ARHGAP10: variants seen among roughly 807,000 people sequenced by gnomAD.
The protein encoded by ARHGAP10 is rho GTPase-activating protein 10.
Under a neutral mutation model 108.6 loss-of-function variants are expected in ARHGAP10, and 87 were observed. The ratio of observed to expected loss-of-function variants is 0.80; its 90% confidence interval spans 0.67 to 0.96. The LOEUF (loss-of-function observed/expected upper bound fraction) is 0.96, where lower values mean the gene tolerates loss of function less well. Among genes scored for constraint, ARHGAP10 ranks in the 40% least tolerant of loss-of-function variants. ARHGAP10 has a pLI of 0.00. For missense variants in ARHGAP10, 939 were observed against 954.5 expected (o/e 0.98, Z 0.21); for synonymous variants, 347 against 341.1 (o/e 1.02, Z -0.19).
Position 147,946,667 on chromosome 4 carries a change from G to T in ARHGAP10, c.1354G>T (p.Val452Leu). 6.2e-7 allele frequency: 1 copy of T among 1,612,558 alleles called. No individual in the cohort carries two copies. Among genetic ancestry groups the T allele is most frequent in the Non-Finnish European group, 8.5e-7 (1 of 1,179,496 alleles). Residue 452 changes from valine (V) to leucine (L), a missense_variant, in exon 15 of 23, where the codon GTG becomes TTG. Val to Leu is a conservative substitution (Grantham distance 32, BLOSUM62 1). Transcript: ENST00000336498. ...CCTGGAGAATTCTGCAGATTGGGAA[G>T]TGAAGACAATAACAAGTGCCTTGAA... ...VDLENSADWE[V>L]KTITSALKQY...
At chr4:147,856,506 C>G (rs1195595050) in intron 4 of ARHGAP10, among the ~76,000 whole-genome samples, 1 of 152,178 alleles carries the variant, frequency 6.6e-6, no homozygotes, top group African/African-American at 2.4e-5. Context: ...AATTCCACAC[C>G]TGGCCTCTTG....
intron 1 of ARHGAP10, among the ~76,000 whole-genome samples, chr4:147,798,729 CTCTCTCTCTCTCT>C (rs1560764486): frequency 8.9e-5 from 1 of 11,266 alleles, no homozygotes; most frequent in Non-Finnish European, 2.2e-4. Flanking sequence ...GAGACACTCT[CTCTCTCTCTCTCT>C]CTCTCTCTCT....
At chr4:147,856,636 G>T (rs370422245) in intron 4 of ARHGAP10, among the ~76,000 whole-genome samples, 2 of 152,100 alleles carry the variant, frequency 1.3e-5, no homozygotes, top group African/African-American at 4.8e-5. Flanking sequence ...TGAATTTCAC[G>T]TTTAGACTTA....
At chr4:147,817,468 C>T (rs1732298859) in intron 1 of ARHGAP10, among the ~76,000 whole-genome samples, 1 of 152,168 alleles carries the variant, frequency 6.6e-6, no homozygotes, top group African/African-American at 2.4e-5. Context: ...GTTGTAGAAT[C>T]AAGGACAAGC....
intron 10 of ARHGAP10, among the ~76,000 whole-genome samples, chr4:147,893,800 C>T (rs1735883074): frequency 6.6e-6 from 1 of 151,870 alleles, no homozygotes; most frequent in East Asian, 1.9e-4. Flanking sequence ...GTTATTTTAA[C>T]AGAATTTTAG....
intron 4 of ARHGAP10, among the ~76,000 whole-genome samples, chr4:147,853,310 T>C (rs1355269139): frequency 6.6e-6 from 1 of 152,246 alleles, no homozygotes; most frequent in African/African-American, 2.4e-5. Context: ...TTTTTATTTT[T>C]CCCTTATTAA....
intron 1 of ARHGAP10, 151 bp downstream of exon 1, chr4:147,732,606 C>CG (rs942289123): frequency 7.4e-5 from 82 of 1,113,916 alleles, no homozygotes; most frequent in Middle Eastern, 3.0e-4. Flanking sequence ...CTCGGAACCC[C>CG]GGGGGGTCCC....
At chr4:147,965,274 A>G (rs1739163313) in intron 17 of ARHGAP10, 145 bp downstream of exon 17, 1 of 548,226 alleles carries the variant, frequency 1.8e-6, no homozygotes. Flanking sequence ...TTTGGATAAG[A>G]CTGTTGAAAT....
intron 19 of ARHGAP10, among the ~76,000 whole-genome samples, chr4:148,039,174 T>C (rs1728511237): frequency 6.6e-6 from 1 of 152,120 alleles, no homozygotes; most frequent in Non-Finnish European, 1.5e-5. Context: ...CTGAACATCT[T>C]ATATTGCTTC....
At chr4:147,960,473 C>T (rs868439274) in intron 16 of ARHGAP10, among the ~76,000 whole-genome samples, 6 of 152,000 alleles carry the variant, frequency 3.9e-5, no homozygotes, top group Middle Eastern at 3.2e-3. Context: ...CATTTAATGA[C>T]ACTGAAAAAT....
chr4:147,986,585 G>A (rs921595425), intron 18 of ARHGAP10, among the ~76,000 whole-genome samples: 2 of 152,046 alleles, frequency 1.3e-5, no homozygotes, highest in Non-Finnish European at 2.9e-5. Flanking sequence ...CCAGGGTGAC[G>A]TACACCCCAC....
chr4:148,052,561 G>A (rs1003412524), intron 20 of ARHGAP10, among the ~76,000 whole-genome samples: 3 of 151,906 alleles, frequency 2.0e-5, no homozygotes, highest in South Asian at 2.1e-4. Flanking sequence ...GTTAGTAGGG[G>A]GATGATTTCC....
chr4:147,854,829 C>T, intron 4 of ARHGAP10: 15 of 985,406 alleles, frequency 1.5e-5, no homozygotes, highest in Non-Finnish European at 1.7e-5. Flanking sequence ...GAAGATATTT[C>T]TATTCTAAGC....
chr4:147,997,628 G>T (rs185749741), intron 18 of ARHGAP10, among the ~76,000 whole-genome samples: 7 of 152,300 alleles, frequency 4.6e-5, no homozygotes, highest in Middle Eastern at 3.4e-3. Flanking sequence ...AACCAGACAC[G>T]TAGAACAGAA....
chr4:147,947,260 TTAA>T (rs1196718698), intron 15 of ARHGAP10, among the ~76,000 whole-genome samples: 3 of 150,274 alleles, frequency 2.0e-5, no homozygotes, highest in South Asian at 2.1e-4. Context: ...AGAAAAGAAC[TTAA>T]TGATAAGCTC....
chr4:147,874,781 A>G (rs1734991865), intron 7 of ARHGAP10, among the ~76,000 whole-genome samples: 1 of 152,212 alleles, frequency 6.6e-6, no homozygotes, highest in African/African-American at 2.4e-5. Flanking sequence ...GAAAGCCTCC[A>G]AAGTAACCTG....
intron 10 of ARHGAP10, among the ~76,000 whole-genome samples, chr4:147,885,710 G>A (rs1735521636): frequency 6.6e-6 from 1 of 152,134 alleles, no homozygotes; most frequent in African/African-American, 2.4e-5. Context: ...AACCATTCTG[G>A]TTCTCCCTCA....
intron 1 of ARHGAP10, among the ~76,000 whole-genome samples, chr4:147,749,613 T>G (rs10024194): frequency 0.034 from 5,199 of 152,316 alleles, 302 homozygotes; most frequent in African/African-American, 0.12. Flanking sequence ...AATTGAGAAA[T>G]CCTTTAAGCA....
chr4:147,937,289 C>T (rs1436637150), intron 13 of ARHGAP10, among the ~76,000 whole-genome samples: 1 of 152,158 alleles, frequency 6.6e-6, no homozygotes, highest in Non-Finnish European at 1.5e-5. Flanking sequence ...TCATGGTCCC[C>T]CTCTGTACAT....
Sources: allele counts gnomAD v4.1 joint callset (sites outside exome capture counted in the v4.1 genomes callset), GRCh38; gene constraint gnomAD v4.1.1; transcripts MANE v1.5; gene names NCBI Gene and HGNC (gene_info 2026-07-23, HGNC 2026-07-21).